Variants in WIZ observed in about 807,000 individuals in gnomAD.
The protein encoded by WIZ is protein Wiz.
WIZ carries 25 observed loss-of-function variants against 140.2 expected under a neutral mutation model. The ratio of observed to expected loss-of-function variants is 0.18; its 90% CI spans 0.13 to 0.25. WIZ has a LOEUF of 0.25. WIZ is among the 10% of genes least tolerant of loss of function. The pLI is 1.00. For synonymous variants in WIZ, 1,125 were observed against 1,154.3 expected (o/e 0.97, Z 0.51); for missense variants, 2,231 against 2,632.6 (o/e 0.85, Z 3.34).
chr19:15,446,738 C>T (rs1165599692), intron 2 of WIZ, among the ~76,000 whole-genome samples: 1 of 152,242 alleles, frequency 6.6e-6, no homozygotes, highest in Non-Finnish European at 1.5e-5. Context: ...GCCGCTGTGT[C>T]ATAACACCTG....
rs1001500226 is a variant in WIZ at position 15,429,936 on chromosome 19, T to C, written c.3065A>G (p.Gln1022Arg). ...PIDLLYELVK[Q>R]KGLPDAHLGL... ...AAGGTGGGCGTCAGGCAGACCCTTC[T>C]GCTTCACAAGCTCGTAGAGGAGGTC... Residue 1022 changes from glutamine (Q) to arginine (R), a missense_variant, in exon 7 of 13, where the codon CAG becomes CGG. Physicochemically the swap from Gln to Arg is conservative, Grantham distance 43. Transcript: ENST00000673675. The C allele has an allele frequency of 5.2e-6, 8 of 1,535,900 alleles. No homozygotes were observed. The Admixed American group carries it at 1.6e-4, about 30-fold the overall frequency.
At chr19:15,441,774 G>A (rs1181234667) in intron 3 of WIZ, among the ~76,000 whole-genome samples, 1 of 152,180 alleles carries the variant, frequency 6.6e-6, no homozygotes, top group Non-Finnish European at 1.5e-5. Flanking sequence ...TCCTCCTGGG[G>A]CTGTGGCAAG....
In WIZ at chr19:15,428,195, G is replaced by T; in HGVS notation, c.3729C>A (p.Ser1243Arg). Residue 1243 changes from serine to arginine, a missense_variant, in exon 8 of 13, where the codon AGC becomes AGA. Around this residue, in one of 15 missense-constraint regions of WIZ, gnomAD observed 141 missense variants for 161.2 expected, o/e 0.87. Transcript: ENST00000673675. The surrounding 1 kb of genome is among the most constrained non-coding windows in gnomAD (Gnocchi z 6.4). ...CCGAGAGGTCCTGCTTCCCCCAGGG[G>T]CTGGCCATACCCGCGGCCTTCAGCT... Reference protein sequence around the residue: ...KAKLKAAGMASPWGKQDLSAA... With the variant: ...KAKLKAAGMARPWGKQDLSAA... 1 of 1,534,402 alleles carries T rather than the reference G, an allele frequency of 6.5e-7. No homozygotes were observed.
In WIZ at chr19:15,442,661, C is replaced by T; in HGVS notation, c.278+15G>A. On this transcript the variant is annotated intron_variant, in intron 3 of 12. Coordinates refer to ENST00000673675, the MANE Select transcript of WIZ (RefSeq NM_001371589.1). The surrounding 1 kb of genome is among the most constrained non-coding windows in gnomAD (Gnocchi z 5.5). ...CCCCTGCCCTCCCTGAGGTCAGGGC[C>T]AGCATGGCACTCACCAGCTGCTGAT... The T allele has an allele frequency of 3.2e-6, 4 of 1,232,354 alleles. No individual in the cohort carries two copies. Among genetic ancestry groups the T allele is most frequent in the Non-Finnish European group, 4.0e-6 (4 of 988,124 alleles). The allele number at this position is 1,232,354 out of a possible 1,614,324, so 76.3% of individuals were successfully genotyped here.
Position 15,438,648 on chromosome 19 carries a change from G to T in WIZ, c.2346C>A (p.Arg782=), listed in dbSNP as rs1333226730. 1.2e-5 allele frequency: 18 copies of T among 1,535,474 alleles called. 1 individual carries two copies. In the East Asian group the frequency reaches 4.4e-4, roughly 38 times the overall value. The change falls in exon 4 of 13, where the codon CGC becomes CGA. Residue 782 remains arginine (R), a synonymous_variant. Coordinates refer to ENST00000673675, the MANE Select transcript of WIZ (RefSeq NM_001371589.1). The part of the protein sequence containing the change: ...LNRVGVSYNV[R]HFISAEEVKA... ...TCACCTCCTCAGCGGAGATGAAATGGCGCACATTGTAGCTGACGCCCACGC... is the reference window on the plus strand; with the variant it reads ...TCACCTCCTCAGCGGAGATGAAATGTCGCACATTGTAGCTGACGCCCACGC...
intron 3 of WIZ, among the ~76,000 whole-genome samples, chr19:15,441,581 T>C (rs896807099): frequency 6.6e-6 from 1 of 152,088 alleles, no homozygotes; most frequent in Admixed American, 6.6e-5. Flanking sequence ...CCTGGCCCAG[T>C]GTGGGTTCTT....
At chr19:15,441,834 TATTA>T (rs1020697870) in intron 3 of WIZ, among the ~76,000 whole-genome samples, 3 of 152,172 alleles carry the variant, frequency 2.0e-5, no homozygotes, top group African/African-American at 7.2e-5. Context: ...TAGCAGCTAT[TATTA>T]ATTAATTAAT....
chr19:15,443,622 C>A (rs536856407), intron 2 of WIZ, among the ~76,000 whole-genome samples: 1 of 152,304 alleles, frequency 6.6e-6, no homozygotes, highest in East Asian at 1.9e-4. Flanking sequence ...TCTCTCAGCA[C>A]CTGTTTCATT....
rs1384374187 is a variant in WIZ at position 15,439,615 on chromosome 19, G to T, written c.1379C>A (p.Ala460Asp). The change falls in exon 4 of 13, where the codon GCC (alanine) becomes GAC (aspartate). Residue 460 changes from alanine (A) to aspartate (D), a missense_variant. By Grantham distance (126) the Ala-to-Asp change is moderately radical. Transcript: ENST00000673675. This position sits in a 1 kb window ranked among gnomAD's most constrained non-coding sequence, Gnocchi z 7.0. Reference sequence around the variant, plus strand: ...GAAGACACAGGCGCTGAGGCCAACGGCAGCTCCGTAGGGCTGATAGAGGAG... The same window carrying T: ...GAAGACACAGGCGCTGAGGCCAACGTCAGCTCCGTAGGGCTGATAGAGGAG... The part of the protein sequence containing the change: ...SALLYQPYGA[A>D]VGLSACVFCG... 6.7e-7 allele frequency: 1 copy of T among 1,481,658 alleles called. No individual in the cohort carries two copies. Among genetic ancestry groups the T allele is most frequent in the Non-Finnish European group, 8.9e-7 (1 of 1,119,686 alleles). The allele number at this position is 1,481,658 out of a possible 1,614,324, so 91.8% of individuals were successfully genotyped here.
At chr19:15,446,234 C>T (rs1335243144) in intron 2 of WIZ, among the ~76,000 whole-genome samples, 1 of 152,136 alleles carries the variant, frequency 6.6e-6, no homozygotes, top group African/African-American at 2.4e-5. Context: ...TGAGGATGCA[C>T]CTACCTGCCT....
At chr19:15,423,584 C>A (rs979251621) in intron 12 of WIZ, among the ~76,000 whole-genome samples, 1 of 152,066 alleles carries the variant, frequency 6.6e-6, no homozygotes, top group African/African-American at 2.4e-5. Context: ...CCAAGCCCCC[C>A]ACCTCCTCCT....
At position 15,425,231 on chromosome 19, in the gene WIZ, C is replaced by T. The variant is rs889336252; in HGVS notation, c.4894+10G>A. 14 of 1,566,590 alleles carry T rather than the reference C, an allele frequency of 8.9e-6. No homozygotes were observed. The highest frequency in any genetic ancestry group is 1.2e-5 in the Non-Finnish European group (14 of 1,156,822). The stretch of plus-strand genomic sequence containing the variant: ...GTCGCCCTCCCAGGACCCTGCCGCC[C>T]GCTGCTTACAGGAGTGGGAGGTCTT... On this transcript the variant is annotated intron_variant, in intron 10 of 12. Transcript: ENST00000673675.
rs1193328206 is a variant in WIZ, at chr19:15,439,036, G to A, written c.1958C>T (p.Ala653Val). 7.3e-6 allele frequency: 11 copies of A among 1,497,928 alleles called. No individual in the cohort carries two copies. In the East Asian group the frequency reaches 7.4e-5, roughly 10 times the overall value. 92.8% of individuals were successfully genotyped at this position (1,497,928 alleles called of 1,614,324 possible). ...GAATGCCTGCTTCAGCTCCAGGGCC[G>A]CCTGCGGGATGAGGCTGGGGGTGGC... Reference protein sequence around the residue: ...PLATPSLIPQAALELKQAFRE... With the variant: ...PLATPSLIPQVALELKQAFRE... The change falls in exon 4 of 13, where the codon GCG becomes GTG. Residue 653 changes from alanine to valine, a missense_variant. Ala to Val is a moderately conservative substitution (Grantham distance 64). Around this residue, in one of 15 missense-constraint regions of WIZ, gnomAD observed 475 missense variants for 520.2 expected, o/e 0.91. Transcript: ENST00000673675. This position sits in a 1 kb window ranked among gnomAD's most constrained non-coding sequence, Gnocchi z 7.0.
intron 2 of WIZ, among the ~76,000 whole-genome samples, chr19:15,444,800 C>T (rs1039534566): frequency 6.6e-6 from 1 of 152,176 alleles, no homozygotes; most frequent in African/African-American, 2.4e-5. Flanking sequence ...CTAGCATGAC[C>T]TAGAGGTGTG....
In WIZ at chr19:15,442,531, G is replaced by T; in HGVS notation, c.278+145C>A. ...AACCCCAGCACACGCCCAGGGGCTT[G>T]CCTGCCGGGAGCTGACTCCTCCTCC... On this transcript the variant is annotated intron_variant, in intron 3 of 12. Transcript: ENST00000673675. The surrounding 1 kb of genome is among the most constrained non-coding windows in gnomAD (Gnocchi z 5.5). The T allele has an allele frequency of 3.7e-6, 2 of 546,728 alleles. No individual in the cohort carries two copies. Among genetic ancestry groups the T allele is most frequent in the Non-Finnish European group, 5.5e-6 (2 of 362,740 alleles). 33.9% of individuals were successfully genotyped at this position (546,728 alleles called of 1,614,324 possible). A position where few individuals can be genotyped will look rare whatever the true frequency, so the allele number is the denominator to read the frequency against.
chr19:15,449,619 A>G (rs1970045185), intron 1 of WIZ, 179 bp downstream of exon 1: 1 of 150,342 alleles, frequency 6.7e-6, no homozygotes, highest in African/African-American at 2.4e-5. Context: ...ACCTGCCCCA[A>G]GACCCCCGCC....
rs750167547 is a variant in WIZ at position 15,427,567 on chromosome 19, G to A, written c.3815-34C>T. On this transcript the variant is annotated intron_variant, in intron 8 of 12. Transcript: ENST00000673675. The surrounding 1 kb of genome is among the most constrained non-coding windows in gnomAD (Gnocchi z 6.4). ...GGAGGAGAAAGGGGCAGTTAGCATC[G>A]TGGAACTGCCAGCATGGTCACCTGC... The A allele has an allele frequency of 7.0e-6, 11 of 1,576,204 alleles. No individual in the cohort carries two copies. The highest frequency in any genetic ancestry group is 1.3e-5 in the African/African-American group (1 of 74,444).
At position 15,439,371 on chromosome 19, in the gene WIZ, A is replaced by C; in HGVS notation, c.1623T>G (p.Ala541=). Residue 541 remains alanine, a synonymous_variant, in exon 4 of 13, where the codon GCT becomes GCG. Coordinates refer to ENST00000673675, the MANE Select transcript of WIZ (RefSeq NM_001371589.1). This position sits in a 1 kb window ranked among gnomAD's most constrained non-coding sequence, Gnocchi z 7.0. ...CAAAGGCCAGGCTGGGGTCGTATCC[A>C]GCAGGGTTCTCCCGCCACATGGGGG... is the stretch of plus-strand genomic sequence containing the variant. The part of the protein sequence containing the change: ...SLAPMWRENP[A]GYDPSLAFGP... 1 of 1,532,622 alleles carries C rather than the reference A, an allele frequency of 6.5e-7. No homozygotes were observed. Among genetic ancestry groups the C allele is most frequent in the Non-Finnish European group, 8.7e-7 (1 of 1,144,612 alleles). The allele number at this position is 1,532,622 out of a possible 1,614,324, so 94.9% of individuals were successfully genotyped here. A position where few individuals can be genotyped will look rare whatever the true frequency, so the allele number is the denominator to read the frequency against.
intron 2 of WIZ, among the ~76,000 whole-genome samples, chr19:15,444,052 C>T (rs1233931246): frequency 1.3e-5 from 2 of 152,194 alleles, no homozygotes; most frequent in African/African-American, 4.8e-5. Context: ...AGGCCAATTG[C>T]CCGGGCCAAG....
Sources: allele counts gnomAD v4.1 joint callset (sites outside exome capture counted in the v4.1 genomes callset), GRCh38; gene constraint gnomAD v4.1.1; regional missense constraint gnomAD v4.1.1; non-coding constraint Gnocchi (gnomAD v3.1); transcripts MANE v1.5; gene names NCBI Gene and HGNC (gene_info 2026-07-23, HGNC 2026-07-21).